BMPR1B: variants seen among roughly 807,000 people sequenced by gnomAD.
The protein encoded by BMPR1B is bone morphogenetic protein receptor type-1B.
In BMPR1B, 12 loss-of-function variants were observed where a neutral mutation model predicts 59.1. The ratio of observed to expected loss-of-function variants is 0.20; its 90% CI spans 0.13 to 0.33. BMPR1B has a LOEUF of 0.33. Among genes scored for constraint, BMPR1B ranks in the 10% least tolerant of loss-of-function variants. BMPR1B has a pLI of 1.00. For missense variants in BMPR1B, 550 were observed against 610.9 expected (o/e 0.90, Z 1.05); for synonymous variants, 237 against 207.3 (o/e 1.14, Z -1.23).
intron 2 of BMPR1B, among the ~76,000 whole-genome samples, chr4:94,970,358 C>G (rs1026768044): frequency 1.3e-5 from 2 of 150,582 alleles, no homozygotes; most frequent in African/African-American, 4.9e-5. Context: ...CTCTGTCACC[C>G]AGGCTGGAGT....
At position 95,125,008 on chromosome 4, in the gene BMPR1B, C is replaced by G. The variant is rs774364369; in HGVS notation, c.472C>G (p.Arg158Gly). The stretch of plus-strand genomic sequence containing the variant: ...GTATAAAAGACAAGAAACCAGACCT[C>G]GATACAGCATTGGGTTAGAACAGGA... ...FRYKRQETRP[R>G]YSIGLEQDET... Residue 158 changes from arginine (R) to glycine (G), a missense_variant, in exon 8 of 13, where the codon CGA becomes GGA. By Grantham distance (125) the Arg-to-Gly change is moderately radical (BLOSUM62 -2). This residue lies in a region of BMPR1B where 318 missense variants were observed against 284.6 expected (regional missense o/e 1.12). Transcript: ENST00000515059. The G allele has an allele frequency of 6.2e-7, 1 of 1,613,304 alleles. No homozygotes were observed. Among genetic ancestry groups the G allele is most frequent in the Non-Finnish European group, 8.5e-7 (1 of 1,179,336 alleles).
At chr4:94,811,094 C>G (rs1723795337) in intron 1 of BMPR1B, among the ~76,000 whole-genome samples, 1 of 152,110 alleles carries the variant, frequency 6.6e-6, no homozygotes, top group Non-Finnish European at 1.5e-5. Context: ...GTCATGATAA[C>G]AAGAATATCA....
chr4:94,993,122 C>G (rs962714512), intron 2 of BMPR1B, among the ~76,000 whole-genome samples: 1 of 152,102 alleles, frequency 6.6e-6, no homozygotes, highest in Non-Finnish European at 1.5e-5. Context: ...AACTTCTGGC[C>G]TCAAGAAATC....
chr4:95,091,910 T>G (rs1315200235), intron 3 of BMPR1B, among the ~76,000 whole-genome samples: 1 of 152,204 alleles, frequency 6.6e-6, no homozygotes, highest in Non-Finnish European at 1.5e-5. Context: ...TTAACTTTTG[T>G]GTTATGTGTG....
intron 1 of BMPR1B, among the ~76,000 whole-genome samples, chr4:94,810,021 C>A (rs549428318): frequency 6.6e-6 from 1 of 152,080 alleles, no homozygotes; most frequent in Admixed American, 6.6e-5. Flanking sequence ...TTTTTTTGAC[C>A]CTAAATGGGT....
At chr4:95,064,142 T>A (rs1312143428) in intron 3 of BMPR1B, among the ~76,000 whole-genome samples, 1 of 152,150 alleles carries the variant, frequency 6.6e-6, no homozygotes, top group Admixed American at 6.5e-5. Context: ...CTGTCATAGA[T>A]ATGACACCAA....
intron 2 of BMPR1B, among the ~76,000 whole-genome samples, chr4:94,878,292 A>G (rs1015708505): frequency 6.6e-6 from 1 of 152,180 alleles, no homozygotes; most frequent in African/African-American, 2.4e-5. Context: ...ATTGCAACAA[A>G]TTTAGTTTAA....
At chr4:94,960,077 T>C (rs1730294219) in intron 2 of BMPR1B, among the ~76,000 whole-genome samples, 3 of 151,984 alleles carry the variant, frequency 2.0e-5, no homozygotes, top group Admixed American at 6.6e-5. Flanking sequence ...TAATTAGAAC[T>C]ATCCGGGATG....
chr4:95,020,817 GCTC>G (rs899149140), intron 3 of BMPR1B, among the ~76,000 whole-genome samples: 22 of 152,096 alleles, frequency 1.4e-4, no homozygotes, highest in Non-Finnish European at 1.5e-5. Flanking sequence ...CTCAGGCAAT[GCTC>G]CTGCCTCAGC....
chr4:95,029,193 C>T (rs1724639896), intron 3 of BMPR1B, among the ~76,000 whole-genome samples: 3 of 151,346 alleles, frequency 2.0e-5, no homozygotes, highest in Admixed American at 2.0e-4. Context: ...GTGTGCTGCA[C>T]CCATTAACTC....
At chr4:95,041,353 A>G (rs1352401892) in intron 3 of BMPR1B, among the ~76,000 whole-genome samples, 1 of 151,178 alleles carries the variant, frequency 6.6e-6, no homozygotes, top group Non-Finnish European at 1.5e-5. Flanking sequence ...GTGGTCTATA[A>G]TTTTTTTTTA....
intron 3 of BMPR1B, among the ~76,000 whole-genome samples, chr4:95,077,884 A>G (rs1728830306): frequency 6.6e-6 from 1 of 152,220 alleles, no homozygotes; most frequent in Non-Finnish European, 1.5e-5. Context: ...AATATCATCT[A>G]GCTTTGGGAA....
chr4:94,813,064 G>T, intron 1 of BMPR1B, among the ~76,000 whole-genome samples: 1 of 149,480 alleles, frequency 6.7e-6, no homozygotes, highest in African/African-American at 2.5e-5. Flanking sequence ...TTAACCAATT[G>T]GTTTATTAAT....
At chr4:95,050,905 G>A (rs1295929517) in intron 3 of BMPR1B, among the ~76,000 whole-genome samples, 1 of 152,046 alleles carries the variant, frequency 6.6e-6, no homozygotes, top group Non-Finnish European at 1.5e-5. Flanking sequence ...CATGGCAAAT[G>A]AAACGTCACA....
intron 1 of BMPR1B, among the ~76,000 whole-genome samples, chr4:94,829,500 A>G (rs867499202): frequency 8.5e-5 from 13 of 152,168 alleles, no homozygotes; most frequent in African/African-American, 2.6e-4. Context: ...CCTGGGCTCA[A>G]GCGATCTTGT....
intron 3 of BMPR1B, 39 bp from the exon 4 acceptor site, chr4:95,104,369 A>G (rs756699245): frequency 1.9e-6 from 3 of 1,607,948 alleles, no homozygotes; most frequent in Admixed American, 1.7e-5. Context: ...GGGGTAGTCT[A>G]CCCCACAGAT....
intron 3 of BMPR1B, among the ~76,000 whole-genome samples, chr4:95,073,045 T>G (rs1728436074): frequency 6.6e-6 from 1 of 152,192 alleles, no homozygotes; most frequent in South Asian, 2.1e-4. Context: ...TGAAGGTAGC[T>G]TTCTAAAAAT....
intron 1 of BMPR1B, among the ~76,000 whole-genome samples, chr4:94,769,435 A>G (rs1215176910): frequency 6.6e-6 from 1 of 152,150 alleles, no homozygotes; most frequent in Non-Finnish European, 1.5e-5. Flanking sequence ...ACATGGTGAA[A>G]CCCTGTCTCT....
chr4:94,990,255 T>A (rs1721650674), intron 2 of BMPR1B, among the ~76,000 whole-genome samples: 1 of 152,088 alleles, frequency 6.6e-6, no homozygotes, highest in Admixed American at 6.5e-5. Context: ...CGTGGGAGGC[T>A]GAGGCAGGAG....
Sources: gnomAD v4.1 joint callset for allele counts (sites outside exome capture counted in the v4.1 genomes callset) on GRCh38, gnomAD v4.1.1 for gene constraint, gnomAD v4.1.1 regional missense constraint, MANE v1.5 for transcripts, NCBI Gene and HGNC (gene_info 2026-07-23, HGNC 2026-07-21) for gene names.